Variants in HOXB3 observed in about 807,000 individuals in gnomAD.
HOXB3 encodes the protein homeobox B3.
A neutral mutation model predicts 29.2 loss-of-function variants in HOXB3; 17 were observed. The observed-to-expected ratio is 0.58, with a 90% CI of 0.40 to 0.87. The LOEUF is 0.87. Ranked by LOEUF, HOXB3 falls within the 40% of genes least tolerant of loss-of-function variation. The probability of loss-of-function intolerance (pLI) is 0.00; values close to 1 mark genes in which losing one functional copy is unlikely to be tolerated. For missense variants in HOXB3, 637 were observed against 616.3 expected (o/e 1.03, Z -0.35); for synonymous variants, 317 against 285.9 (o/e 1.11, Z -1.10).
Position 48,555,361 on chromosome 17 carries a change from AGAGGGAGGGAGG to A in HOXB3, c.-159+158_-159+169del, listed in dbSNP as rs1331835445. On this transcript the variant is annotated intron_variant, in intron 3 of 4. Transcript: ENST00000498678. ...GAGAGAGAGAGAGAGAGAGAGAGAGAGAGGGAGGGAGGGAGGGAGGGAGGGAGGGAGAGAGAG... is the reference window on the plus strand; with the variant it reads ...GAGAGAGAGAGAGAGAGAGAGAGAGAGAGGGAGGGAGGGAGGGAGAGAGAG... 117 of 418,170 alleles carry A rather than the reference AGAGGGAGGGAGG, an allele frequency of 2.8e-4. 1 individual carries two copies. In the African/African-American group the frequency reaches 4.5e-3, roughly 16 times the overall value. The allele number at this position is 418,170 out of a possible 1,614,324, so 25.9% of individuals were successfully genotyped here.
At chr17:48,577,291 C>T (rs1382727560) in intron 1 of HOXB3, among the ~76,000 whole-genome samples, 1 of 152,110 alleles carries the variant, frequency 6.6e-6, no homozygotes, top group African/African-American at 2.4e-5. Context: ...GTTTTAATTG[C>T]TCCTCTCTCC....
intron 1 of HOXB3, chr17:48,578,100 G>C (rs768812050): frequency 8.4e-7 from 1 of 1,185,388 alleles, no homozygotes; most frequent in Non-Finnish European, 1.1e-6. Flanking sequence ...GGAGGCGGCG[G>C]GGGCCCAGGG....
At position 48,550,533 on chromosome 17, in the gene HOXB3, G is replaced by A. The variant is rs1165198439; in HGVS notation, c.1097C>T (p.Ala366Val). The change falls in exon 5 of 5, where the codon GCC becomes GTC. Residue 366 changes from alanine to valine, a missense_variant. Coordinates refer to ENST00000498678, the MANE Select transcript of HOXB3 (RefSeq NM_001384749.1). ...GTTGAGGCCATAGAGGGAGGGGCCG[G>A]CAGGGGGCGGCAGCGGATCCGCGTA... Reference protein sequence around the residue: ...GGYADPLPPPAGPSLYGLNHL... With the variant: ...GGYADPLPPPVGPSLYGLNHL... 5.8e-6 allele frequency: 9 copies of A among 1,540,782 alleles called. No homozygotes were observed. The highest frequency in any genetic ancestry group is 2.1e-5 in the Admixed American group (1 of 47,172).
At chr17:48,559,090 C>T (rs2069104585) in intron 2 of HOXB3, among the ~76,000 whole-genome samples, 1 of 151,960 alleles carries the variant, frequency 6.6e-6, no homozygotes. Flanking sequence ...ACATCTTTTC[C>T]TCTTCCATTC....
intron 1 of HOXB3, chr17:48,578,338 C>T: frequency 1.2e-6 from 2 of 1,600,038 alleles, no homozygotes; most frequent in Non-Finnish European, 1.7e-6. Flanking sequence ...GGGAATTGCC[C>T]ACAAAATATA....
In HOXB3 at chr17:48,573,986, T is replaced by G; in HGVS notation, c.-396A>C. The G allele has an allele frequency of 1.5e-6, 1 of 672,896 alleles. No individual in the cohort carries two copies. 41.7% of individuals were successfully genotyped at this position (672,896 alleles called of 1,614,324 possible). A position where few individuals can be genotyped will look rare whatever the true frequency, so the allele number is the denominator to read the frequency against. On this transcript the variant is annotated 5_prime_UTR_variant, in exon 2 of 5. Transcript: ENST00000498678. ...CCGGGAGAGACGGCTAACACTTTTT[T>G]CCCCCAACAGCCGGTCCAAGGAGAT...
At chr17:48,565,019 G>A (rs1165123417) in intron 2 of HOXB3, among the ~76,000 whole-genome samples, 3 of 63,318 alleles carry the variant, frequency 4.7e-5, no homozygotes, top group African/African-American at 1.0e-4. Context: ...AAGGCTGGGA[G>A]TTTGAGGGAG....
Position 48,551,125 on chromosome 17 carries a change from C to T in HOXB3, c.505G>A (p.Gly169Arg). ...GGGGGGSGGS[G>R]GGGGGGGGGD... Reference sequence around the variant, plus strand: ...CCCCCGCCGCCGCCGCCACCGCCCCCGCTGCCACCACTGCCTCCGCCGCCG... The same window carrying T: ...CCCCCGCCGCCGCCGCCACCGCCCCTGCTGCCACCACTGCCTCCGCCGCCG... The change falls in exon 5 of 5, where the codon GGG becomes AGG. Residue 169 changes from glycine to arginine, a missense_variant. Physicochemically the swap from Gly to Arg is moderately radical, Grantham distance 125 (BLOSUM62 -2). Transcript: ENST00000498678. 7.4e-7 allele frequency: 1 copy of T among 1,347,944 alleles called. No individual in the cohort carries two copies. Among genetic ancestry groups the T allele is most frequent in the African/African-American group, 1.5e-5 (1 of 66,172 alleles). The allele number at this position is 1,347,944 out of a possible 1,614,324, so 83.5% of individuals were successfully genotyped here.
rs1306571660 is a variant in HOXB3 at position 48,573,980 on chromosome 17, CTT to C, written c.-392_-391del. On this transcript the variant is annotated 5_prime_UTR_variant, in exon 2 of 5. Coordinates refer to ENST00000498678, the MANE Select transcript of HOXB3 (RefSeq NM_001384749.1). ...GCAGATCCGGGAGAGACGGCTAACA[CTT>C]TTTTCCCCCAACAGCCGGTCCAAGG... 3.0e-6 allele frequency: 2 copies of C among 676,694 alleles called. No individual in the cohort carries two copies. The highest frequency in any genetic ancestry group is 2.2e-5 in the Admixed American group (1 of 44,918). 41.9% of individuals were successfully genotyped at this position (676,694 alleles called of 1,614,324 possible). A position where few individuals can be genotyped will look rare whatever the true frequency, so the allele number is the denominator to read the frequency against.
chr17:48,565,556 C>T (rs937880533), intron 2 of HOXB3, among the ~76,000 whole-genome samples: 3 of 152,188 alleles, frequency 2.0e-5, no homozygotes, highest in Non-Finnish European at 2.9e-5. Context: ...TCCAATTCTG[C>T]GTCTCTCAGT....
chr17:48,586,406 C>T (rs545109564), intron 1 of HOXB3, among the ~76,000 whole-genome samples: 2 of 152,300 alleles, frequency 1.3e-5, no homozygotes, highest in East Asian at 1.9e-4. Context: ...CCGCCTAAAC[C>T]TGCCGGCGTG....
At chr17:48,574,060 G>T in intron 1 of HOXB3, 46 bp from the exon 2 acceptor site, 1 of 584,172 alleles carries the variant, frequency 1.7e-6, no homozygotes, top group Non-Finnish European at 3.0e-6. Flanking sequence ...TTAAAGAAAA[G>T]AAGTGATTAA....
chr17:48,563,199 G>C (rs886632864), intron 2 of HOXB3, among the ~76,000 whole-genome samples: 3 of 152,226 alleles, frequency 2.0e-5, no homozygotes, highest in Non-Finnish European at 2.9e-5. Context: ...ACAGGGAAAG[G>C]GTAGAGGGGC....
intron 1 of HOXB3, chr17:48,582,515 A>C (rs1338647609): frequency 6.6e-6 from 1 of 152,142 alleles, no homozygotes; most frequent in Non-Finnish European, 1.5e-5. Context: ...AGTCTTTGTT[A>C]AACAGCTAGG....
At position 48,573,988 on chromosome 17, in the gene HOXB3, C is replaced by T. The variant is rs1279362443; in HGVS notation, c.-398G>A. ...GGGAGAGACGGCTAACACTTTTTTC[C>T]CCCAACAGCCGGTCCAAGGAGATTT... On this transcript the variant is annotated 5_prime_UTR_variant, in exon 2 of 5. Coordinates refer to ENST00000498678, the MANE Select transcript of HOXB3 (RefSeq NM_001384749.1). The T allele has an allele frequency of 1.5e-6, 1 of 670,068 alleles. No individual in the cohort carries two copies. Among genetic ancestry groups the T allele is most frequent in the East Asian group, 2.7e-5 (1 of 36,918 alleles). The allele number at this position is 670,068 out of a possible 1,614,324, so 41.5% of individuals were successfully genotyped here.
intron 4 of HOXB3, 160 bp from the exon 5 acceptor site, chr17:48,551,341 A>AC: frequency 1.3e-6 from 1 of 768,134 alleles, no homozygotes; most frequent in African/African-American, 2.3e-5. Context: ...TCACTCCCCC[A>AC]CCCCACCGCC....
chr17:48,561,183 A>AACACACACACAC (rs530713063), intron 2 of HOXB3, among the ~76,000 whole-genome samples: 13,540 of 125,168 alleles, frequency 0.11, 984 homozygotes, highest in East Asian at 0.14. Flanking sequence ...TCCGTCTCAA[A>AACACACACACAC]ACACACACAC....
chr17:48,580,757 C>T (rs935810173), intron 1 of HOXB3: 2 of 152,176 alleles, frequency 1.3e-5, no homozygotes, highest in Non-Finnish European at 2.9e-5. Context: ...ACCCCATTTC[C>T]CCACCTTCCT....
chr17:48,572,687 TA>T (rs1245222917), intron 2 of HOXB3, among the ~76,000 whole-genome samples: 2 of 152,218 alleles, frequency 1.3e-5, no homozygotes, highest in African/African-American at 2.4e-5. Flanking sequence ...ACCCTTGGGC[TA>T]AAAATCTTTA....
Sources: allele counts gnomAD v4.1 joint callset (sites outside exome capture counted in the v4.1 genomes callset), GRCh38; gene constraint gnomAD v4.1.1; transcripts MANE v1.5; gene names NCBI Gene and HGNC (gene_info 2026-07-23, HGNC 2026-07-21).